Variants in SSH1 observed in about 807,000 individuals in gnomAD.
The protein encoded by SSH1 is slingshot protein phosphatase 1.
SSH1 carries 43 observed loss-of-function variants against 79.7 expected under a neutral mutation model. That is an observed-to-expected ratio of 0.54 (90% CI 0.42 to 0.70). SSH1 has a LOEUF of 0.70. Ranked by LOEUF, SSH1 falls within the 30% of genes least tolerant of loss-of-function variation. The pLI, the probability that SSH1 is intolerant of heterozygous loss-of-function variation, is 0.00. For missense variants in SSH1, 1,206 were observed against 1,358.8 expected, an observed-to-expected ratio of 0.89 and a Z score of 1.77; for synonymous variants, 599 against 538.3, an observed-to-expected ratio of 1.11 and a Z score of -1.56.
intron 14 of SSH1, among the ~76,000 whole-genome samples, chr12:108,790,255 A>G (rs1043525178): frequency 6.6e-6 from 1 of 151,404 alleles, no homozygotes; most frequent in Non-Finnish European, 1.5e-5. Flanking sequence ...GGTTCAAGCA[A>G]TTCTCCTGCC....
Position 108,786,042 on chromosome 12 carries a change from G to A in SSH1, c.*1946C>T, listed in dbSNP as rs1360534866. ...ACTCCAAGGAGACAAAGTCCTGGAGGGAGGATTTTTGCAAAAACTGTGCTC... is the reference window on the plus strand; with the variant it reads ...ACTCCAAGGAGACAAAGTCCTGGAGAGAGGATTTTTGCAAAAACTGTGCTC... On this transcript the variant is annotated 3_prime_UTR_variant, in exon 15 of 15. Transcript: ENST00000326495. 6.6e-6 allele frequency: 1 copy of A among 152,158 alleles called. No homozygotes were observed. 9.4% of individuals were successfully genotyped at this position (152,158 alleles called of 1,614,324 possible).
intron 10 of SSH1, among the ~76,000 whole-genome samples, chr12:108,803,373 A>AT (rs550830988): frequency 2.2e-4 from 34 of 151,880 alleles, no homozygotes; most frequent in African/African-American, 8.2e-4. Flanking sequence ...GGAAAAAAAA[A>AT]AAGAAAAGAA....
rs751496572 is a variant in SSH1 at position 108,792,154 on chromosome 12, G to A, written c.1893+132C>T. The A allele has an allele frequency of 9.8e-6, 15 of 1,528,264 alleles. No homozygotes were observed. The South Asian group carries it at 1.3e-4, about 13-fold the overall frequency. 94.7% of individuals were successfully genotyped at this position (1,528,264 alleles called of 1,614,324 possible). A position where few individuals can be genotyped will look rare whatever the true frequency, so the allele number is the denominator to read the frequency against. ...GGAGATGGGAGCTGGGGGCCCAGAG[G>A]AGACAATAGAAAAAAATCAGCTGGG... On this transcript the variant is annotated intron_variant, in intron 14 of 14. Transcript: ENST00000326495.
intron 13 of SSH1, among the ~76,000 whole-genome samples, chr12:108,795,332 C>G (rs1013189428): frequency 2.0e-5 from 3 of 152,004 alleles, no homozygotes; most frequent in Non-Finnish European, 2.9e-5. Flanking sequence ...ATCTCGGAAC[C>G]TCTGCCTCTT....
chr12:108,825,381 G>A (rs1340709793), intron 2 of SSH1, among the ~76,000 whole-genome samples: 3 of 152,210 alleles, frequency 2.0e-5, no homozygotes, highest in Non-Finnish European at 4.4e-5. Flanking sequence ...GACTCTGGGT[G>A]CCAAGAAAAT....
chr12:108,802,096 ACGATCACG>A (rs2037038047), intron 11 of SSH1, among the ~76,000 whole-genome samples: 1 of 152,150 alleles, frequency 6.6e-6, no homozygotes, highest in Non-Finnish European at 1.5e-5. Context: ...CTCAATCCAC[ACGATCACG>A]CGAGACTTCG....
chr12:108,837,848 G>A (rs1463407851), intron 2 of SSH1, among the ~76,000 whole-genome samples: 3 of 151,884 alleles, frequency 2.0e-5, no homozygotes, highest in East Asian at 1.9e-4. Context: ...GGACGACCAC[G>A]GCTCACGCAG....
chr12:108,820,530 CAG>C (rs1335325916), intron 3 of SSH1, among the ~76,000 whole-genome samples: 1 of 152,208 alleles, frequency 6.6e-6, no homozygotes, highest in Non-Finnish European at 1.5e-5. Context: ...ATTTTCCACA[CAG>C]ATAAACTTCT....
intron 1 of SSH1, among the ~76,000 whole-genome samples, chr12:108,854,002 A>G (rs1348236816): frequency 2.0e-5 from 3 of 152,152 alleles, no homozygotes; most frequent in African/African-American, 7.2e-5. Flanking sequence ...AAGATTCTGC[A>G]GAGGCACCTA....
chr12:108,813,845 AAGAAG>A (rs1475505632), intron 5 of SSH1, among the ~76,000 whole-genome samples: 1 of 152,048 alleles, frequency 6.6e-6, no homozygotes, highest in Admixed American at 6.6e-5. Flanking sequence ...CAGGAAAAGA[AAGAAG>A]AGAAGAGAAT....
At chr12:108,848,558 G>A (rs776344958) in intron 2 of SSH1, among the ~76,000 whole-genome samples, 1 of 152,182 alleles carries the variant, frequency 6.6e-6, no homozygotes, top group African/African-American at 2.4e-5. Flanking sequence ...TCTTCTCTAG[G>A]AGAGATTCAG....
At chr12:108,852,309 C>T (rs557130470) in intron 2 of SSH1, among the ~76,000 whole-genome samples, 57 of 150,500 alleles carry the variant, frequency 3.8e-4, no homozygotes, top group African/African-American at 1.4e-3. Flanking sequence ...AATCTTGGCT[C>T]ACTCTGCCTC....
intron 1 of SSH1, among the ~76,000 whole-genome samples, chr12:108,856,825 A>G (rs1478300569): frequency 6.6e-6 from 1 of 152,198 alleles, no homozygotes; most frequent in Admixed American, 6.5e-5. Context: ...CAGGTCTCAG[A>G]ACCAGCGGCT....
intron 2 of SSH1, among the ~76,000 whole-genome samples, chr12:108,841,678 G>A (rs192322565): frequency 9.2e-5 from 14 of 152,110 alleles, no homozygotes; most frequent in Admixed American, 2.0e-4. Context: ...GGGTGGTGGC[G>A]CATGCCTGTA....
rs752213573 is a variant in SSH1, at chr12:108,788,529, G to A, written c.2609C>T (p.Pro870Leu). The stretch of plus-strand genomic sequence containing the variant: ...CCCGGCCTGGCTGGGCATAACCAGG[G>A]GGCCCAGCTCGTGGAGCGCGGCTGG... ...QDPAALHELGPLVMPSQAGSD... is the reference protein window; with the variant it reads ...QDPAALHELGLLVMPSQAGSD... The change falls in exon 15 of 15, where the codon CCC (proline) becomes CTC (leucine). Residue 870 changes from proline to leucine, a missense_variant. Transcript: ENST00000326495. 1 of 1,565,274 alleles carries A rather than the reference G, an allele frequency of 6.4e-7. No homozygotes were observed. The highest frequency in any genetic ancestry group is 2.3e-5 in the East Asian group (1 of 44,442).
intron 2 of SSH1, among the ~76,000 whole-genome samples, chr12:108,825,157 A>G (rs1376039590): frequency 2.6e-5 from 4 of 152,234 alleles, no homozygotes; most frequent in Non-Finnish European, 5.9e-5. Flanking sequence ...TTGAACAACC[A>G]ATGAACATAT....
At chr12:108,789,363 A>T in intron 14 of SSH1, 119 bp from the exon 15 acceptor site, 1 of 1,056,864 alleles carries the variant, frequency 9.5e-7, no homozygotes, top group Non-Finnish European at 1.4e-6. Flanking sequence ...CCTGGAGGGG[A>T]GGCTCTCATT....
Position 108,823,363 on chromosome 12 carries a change from T to C in SSH1, c.111-2A>G, listed in dbSNP as rs1481048235. 1 of 1,563,752 alleles carries C rather than the reference T, an allele frequency of 6.4e-7. No individual in the cohort carries two copies. Among genetic ancestry groups the C allele is most frequent in the Admixed American group, 1.9e-5 (1 of 51,994 alleles). On this transcript the variant is annotated splice_acceptor_variant, in intron 2 of 14. Transcript: ENST00000326495. LOFTEE classifies it high-confidence loss of function. ...ACCATGAAAAAGCTCTCACTTAAGC[T>C]GGGAAGGATAAGACCAGAGCACAGT... is the stretch of plus-strand genomic sequence containing the variant.
intron 3 of SSH1, among the ~76,000 whole-genome samples, chr12:108,820,098 G>A (rs899294475): frequency 2.6e-5 from 4 of 151,722 alleles, no homozygotes; most frequent in South Asian, 2.1e-4. Context: ...GGCTGGTCTC[G>A]AACTCCTGGA....
Sources: gnomAD v4.1 joint callset for allele counts (sites outside exome capture counted in the v4.1 genomes callset) on GRCh38, gnomAD v4.1.1 for gene constraint, MANE v1.5 for transcripts, NCBI Gene and HGNC (gene_info 2026-07-23, HGNC 2026-07-21) for gene names.